SNX25: variants seen among roughly 807,000 people sequenced by gnomAD.
SNX25 encodes sorting nexin-25.
In SNX25, 62 loss-of-function variants were observed where a neutral mutation model predicts 113.7. The ratio of observed to expected loss-of-function variants is 0.55; its 90% confidence interval spans 0.44 to 0.67. The LOEUF (loss-of-function observed/expected upper bound fraction) is 0.67, where lower values mean the gene tolerates loss of function less well. Among genes scored for constraint, SNX25 ranks in the 30% least tolerant of loss-of-function variants. The pLI is 0.00. For missense variants in SNX25, 1,014 were observed against 1,161.0 expected (o/e 0.87, Z 1.84); for synonymous variants, 421 against 436.2 (o/e 0.97, Z 0.43).
intron 2 of SNX25, among the ~76,000 whole-genome samples, chr4:185,253,190 T>C (rs75227656): frequency 0.033 from 4,998 of 152,306 alleles, 122 homozygotes; most frequent in Non-Finnish European, 0.049. Flanking sequence ...AATTGTATAA[T>C]TATTGAGTAC....
chr4:185,240,743 C>G (rs553524442), intron 1 of SNX25, among the ~76,000 whole-genome samples: 16 of 151,838 alleles, frequency 1.1e-4, no homozygotes, highest in Non-Finnish European at 2.4e-4. Flanking sequence ...CGGGCGGAGA[C>G]GCTCCTCACT....
In SNX25 at chr4:185,264,618, T is replaced by TA. The variant is rs946055714; in HGVS notation, c.904+9dup. On this transcript the variant is annotated intron_variant, in intron 4 of 18. Coordinates refer to ENST00000652585, the MANE Select transcript of SNX25 (RefSeq NM_001378034.2). ...AAATTCTCACAACAAAAGGTAGACT[T>TA]ATACAGTTGATTTCACTAATTCAAT... 3 of 1,613,098 alleles carry TA rather than the reference T, an allele frequency of 1.9e-6. No individual in the cohort carries two copies. The African/African-American group carries it at 4.0e-5, about 22-fold the overall frequency.
chr4:185,275,950 A>G (rs1037650298), intron 5 of SNX25, among the ~76,000 whole-genome samples: 1 of 152,234 alleles, frequency 6.6e-6, no homozygotes, highest in African/African-American at 2.4e-5. Flanking sequence ...AAAATACTCT[A>G]AAAGATCTTT....
chr4:185,358,187 C>A (rs139822658), intron 16 of SNX25, among the ~76,000 whole-genome samples: 1 of 152,330 alleles, frequency 6.6e-6, no homozygotes, highest in Non-Finnish European at 1.5e-5. Context: ...AGTTGTGTAG[C>A]ACTGAAGTGC....
At chr4:185,233,792 G>GT (rs1742199636) in intron 1 of SNX25, among the ~76,000 whole-genome samples, 1 of 152,116 alleles carries the variant, frequency 6.6e-6, no homozygotes, top group Admixed American at 6.5e-5. Context: ...AGAAATTAGA[G>GT]ATAAAGCTCT....
At position 185,210,389 on chromosome 4, in the gene SNX25, T is replaced by C. The variant is rs1737554925; in HGVS notation, c.429+134T>C. On this transcript the variant is annotated intron_variant, in intron 1 of 18. Coordinates refer to ENST00000652585, the MANE Select transcript of SNX25 (RefSeq NM_001378034.2). This position sits in a 1 kb window ranked among gnomAD's most constrained non-coding sequence, Gnocchi z 4.4. ...GAAGCCGGGAGCCAGGGGGCTGGGCTGCGGGCCCGGCCGTGGACGCGAGCG... is the reference window on the plus strand; with the variant it reads ...GAAGCCGGGAGCCAGGGGGCTGGGCCGCGGGCCCGGCCGTGGACGCGAGCG... 1.1e-6 allele frequency: 1 copy of C among 943,670 alleles called. No individual in the cohort carries two copies. Among genetic ancestry groups the C allele is most frequent in the South Asian group, 4.9e-5 (1 of 20,262 alleles). 58.5% of individuals were successfully genotyped at this position (943,670 alleles called of 1,614,324 possible). A position where few individuals can be genotyped will look rare whatever the true frequency, so the allele number is the denominator to read the frequency against.
intron 5 of SNX25, among the ~76,000 whole-genome samples, chr4:185,284,844 G>A (rs764684141): frequency 6.6e-6 from 1 of 152,146 alleles, no homozygotes; most frequent in Non-Finnish European, 1.5e-5. Flanking sequence ...GTAGCTGAAG[G>A]TAGTGTAAGC....
In SNX25 at chr4:185,346,646, T is replaced by C. The variant is rs1236592226; in HGVS notation, c.2297T>C (p.Leu766Ser). 5 of 1,561,944 alleles carry C rather than the reference T, an allele frequency of 3.2e-6. No homozygotes were observed. The highest frequency in any genetic ancestry group is 4.3e-6 in the Non-Finnish European group (5 of 1,155,344). ...TCGAAGAATCAATTAAATAAGTTTT[T>C]ACAGGTAAGCAAGTGAAAAATGTGG... ...EKSKNQLNKF[L>S]QNLLSDERLC... The change falls in exon 13 of 19, where the codon TTA becomes TCA. Residue 766 changes from leucine to serine, a missense_variant. Leu to Ser is a moderately radical substitution (Grantham distance 145). Coordinates refer to ENST00000652585, the MANE Select transcript of SNX25 (RefSeq NM_001378034.2).
At chr4:185,270,437 G>T (rs1748764643) in intron 5 of SNX25, among the ~76,000 whole-genome samples, 1 of 152,216 alleles carries the variant, frequency 6.6e-6, no homozygotes, top group African/African-American at 2.4e-5. Context: ...ATAGCACCTG[G>T]GTGCCCTGGG....
chr4:185,351,655 G>C, intron 14 of SNX25, 46 bp downstream of exon 14: 1 of 1,590,528 alleles, frequency 6.3e-7, no homozygotes, highest in East Asian at 2.2e-5. Context: ...TATTTCAGCA[G>C]ATACTAAGCT....
At chr4:185,372,000 C>G (rs1169391893), downstream of SNX25, among the ~76,000 whole-genome samples, 3 of 152,176 alleles carry the variant, frequency 2.0e-5, no homozygotes, top group Non-Finnish European at 4.4e-5. Context: ...TGCTTTTATA[C>G]ACTGTGGGTA....
intron 1 of SNX25, among the ~76,000 whole-genome samples, chr4:185,218,220 G>A (rs1226235212): frequency 3.3e-5 from 5 of 152,212 alleles, no homozygotes; most frequent in African/African-American, 1.2e-4. Context: ...AAGTAGCTGG[G>A]ATTACAGGCG....
intron 6 of SNX25, among the ~76,000 whole-genome samples, chr4:185,290,796 G>T (rs930155711): frequency 4.0e-5 from 6 of 149,904 alleles, no homozygotes; most frequent in Admixed American, 6.6e-5. Context: ...AGTTTAAAGA[G>T]AATTTATTCA....
chr4:185,374,945 C>T (rs189844927), downstream of SNX25, among the ~76,000 whole-genome samples: 1 of 152,138 alleles, frequency 6.6e-6, no homozygotes, highest in Admixed American at 6.5e-5. Flanking sequence ...ATCTAATATA[C>T]AAATCTTATG....
chr4:185,368,351 C>T (rs75773850), downstream of SNX25, among the ~76,000 whole-genome samples: 2,136 of 152,242 alleles, frequency 0.014, 49 homozygotes, highest in African/African-American at 0.049. Context: ...CTGGGTCTGT[C>T]GCCTCCAGGT....
intron 7 of SNX25, 59 bp from the exon 8 acceptor site, chr4:185,320,674 A>G (rs1336156507): frequency 9.0e-6 from 12 of 1,339,102 alleles, no homozygotes; most frequent in Non-Finnish European, 1.1e-5. Flanking sequence ...TTGGAAGTTA[A>G]AGCAAACTGA....
downstream of SNX25, chr4:185,366,415 G>C (rs1424313936): frequency 2.0e-5 from 3 of 152,142 alleles, no homozygotes; most frequent in African/African-American, 7.2e-5. Flanking sequence ...TACACATTCT[G>C]CATATGTATG....
At chr4:185,295,983 A>C (rs573783462) in intron 6 of SNX25, 2 of 152,324 alleles carry the variant, frequency 1.3e-5, no homozygotes, top group South Asian at 2.1e-4. Flanking sequence ...TTTCTTACTT[A>C]TCTGGAGTTT....
At chr4:185,355,460 C>T (rs567381103) in intron 15 of SNX25, among the ~76,000 whole-genome samples, 28 of 152,262 alleles carry the variant, frequency 1.8e-4, no homozygotes, top group African/African-American at 5.3e-4. Flanking sequence ...AGTGAATTTA[C>T]AGATTAAGGG....
Sources: gnomAD v4.1 joint callset for allele counts (sites outside exome capture counted in the v4.1 genomes callset) on GRCh38, gnomAD v4.1.1 for gene constraint, Gnocchi (gnomAD v3.1) non-coding constraint, MANE v1.5 for transcripts, NCBI Gene and HGNC (gene_info 2026-07-23, HGNC 2026-07-21) for gene names.